The following LGR4 variants were observed in gnomAD, a reference collection of about 807,000 sequenced individuals.
The protein encoded by LGR4 is leucine rich repeat containing G protein-coupled receptor 4.
LGR4 carries 44 observed loss-of-function variants against 84.8 expected under a neutral mutation model. That is an observed-to-expected ratio of 0.52 (90% CI 0.41 to 0.67). The LOEUF (loss-of-function observed/expected upper bound fraction) is 0.67. Ranked by LOEUF, LGR4 falls within the 30% of genes least tolerant of loss-of-function variation. LGR4 has a pLI of 0.00. For missense variants in LGR4, 1,032 were observed against 1,131.4 expected (o/e 0.91, Z 1.26); for synonymous variants, 429 against 434.3 (o/e 0.99, Z 0.15).
At chr11:27,431,522 G>C (rs1437897415) in intron 1 of LGR4, among the ~76,000 whole-genome samples, 2 of 152,144 alleles carry the variant, frequency 1.3e-5, no homozygotes, top group African/African-American at 4.8e-5. Context: ...ACCAATATTT[G>C]TGCTACTAAA....
intron 13 of LGR4, among the ~76,000 whole-genome samples, chr11:27,375,704 C>A (rs1254954529): frequency 6.6e-6 from 1 of 152,136 alleles, no homozygotes; most frequent in African/African-American, 2.4e-5. Context: ...AATTGATAAA[C>A]CAGGAAGCAG....
chr11:27,371,876 T>C (rs1035714988), intron 16 of LGR4, among the ~76,000 whole-genome samples, 178 bp from the exon 17 acceptor site: 2 of 152,188 alleles, frequency 1.3e-5, no homozygotes, highest in African/African-American at 2.4e-5. Flanking sequence ...TGGTTTTTTT[T>C]AGAGACAAGG....
At chr11:27,468,769 G>A (rs184215751) in intron 1 of LGR4, among the ~76,000 whole-genome samples, 31 of 151,816 alleles carry the variant, frequency 2.0e-4, no homozygotes, top group African/African-American at 7.2e-4. Context: ...GTAAAGCTAT[G>A]ATCAAGGACT....
intron 1 of LGR4, among the ~76,000 whole-genome samples, chr11:27,445,210 G>T (rs140933781): frequency 1.3e-5 from 2 of 152,058 alleles, no homozygotes; most frequent in Non-Finnish European, 2.9e-5. Flanking sequence ...TTTGATTCGT[G>T]CATGTCTGTC....
In LGR4 at chr11:27,368,386, G is replaced by A. The variant is rs962289841; in HGVS notation, c.2337C>T (p.Pro779=). 16 of 1,613,968 alleles carry A rather than the reference G, an allele frequency of 9.9e-6. No homozygotes were observed. The East Asian group carries it at 1.1e-4, about 11-fold the overall frequency. Residue 779 remains proline, a synonymous_variant, in exon 18 of 18, where the codon CCC becomes CCT. Transcript: ENST00000379214. ...APLITAISIS[P]EIMKSVTLIF... The stretch of plus-strand genomic sequence containing the variant: ...TCAGAGTAACAGACTTCATTATTTC[G>A]GGGCTGATAGAGATTGCAGTGATCA...
intron 1 of LGR4, among the ~76,000 whole-genome samples, chr11:27,435,973 C>T (rs942993801): frequency 2.0e-5 from 3 of 150,912 alleles, no homozygotes; most frequent in African/African-American, 4.9e-5. Context: ...TGCAGTGGCG[C>T]GATCTGGGGC....
chr11:27,399,851 C>A (rs968075916), intron 2 of LGR4, among the ~76,000 whole-genome samples: 2 of 152,150 alleles, frequency 1.3e-5, no homozygotes, highest in Non-Finnish European at 2.9e-5. Context: ...ATACATACTT[C>A]TTAAAGTCCT....
rs145211651 is a variant in LGR4 at position 27,431,436 on chromosome 11, C to G, written c.186-18576G>C. ...ACAAAGAGCTAGTCTACCTTGTTCA[C>G]TATCAATTTTCTAACCCCTAGCCCA... On this transcript the variant is annotated intron_variant, in intron 1 of 17. Transcript: ENST00000379214. Among the ~76,000 whole-genome samples, 70 of 152,336 alleles carry G rather than the reference C, an allele frequency of 4.6e-4. 1 individual carries two copies. In the East Asian group the frequency reaches 0.011, roughly 24 times the overall value.
At chr11:27,391,071 C>A in intron 4 of LGR4, 23 bp downstream of exon 4, 1 of 1,466,316 alleles carries the variant, frequency 6.8e-7, no homozygotes, top group South Asian at 1.2e-5. Flanking sequence ...CTTGGTGAGT[C>A]AAGAAACCAA....
chr11:27,370,147 T>G (rs1371922649), intron 17 of LGR4, among the ~76,000 whole-genome samples: 1 of 152,218 alleles, frequency 6.6e-6, no homozygotes, highest in African/African-American at 2.4e-5. Context: ...CTAAAAAACA[T>G]GTTTTATGAA....
intron 15 of LGR4, 126 bp downstream of exon 15, chr11:27,373,425 C>A: frequency 1.2e-6 from 1 of 858,258 alleles, no homozygotes; most frequent in Non-Finnish European, 1.7e-6. Flanking sequence ...CAAAGACTGA[C>A]GTAGAAAACA....
intron 4 of LGR4, 49 bp from the exon 5 acceptor site, chr11:27,385,517 G>A (rs757455503): frequency 6.4e-6 from 8 of 1,254,374 alleles, no homozygotes; most frequent in Non-Finnish European, 7.9e-6. Context: ...CTAGTGAAAT[G>A]AGTCAGTTCA....
At chr11:27,434,031 A>C (rs1184579571) in intron 1 of LGR4, among the ~76,000 whole-genome samples, 1 of 152,192 alleles carries the variant, frequency 6.6e-6, no homozygotes, top group Admixed American at 6.5e-5. Flanking sequence ...CCCCTACCTC[A>C]GGGCTGGGAA....
rs1863276056 is a variant in LGR4, at chr11:27,391,075, A to C, written c.401+19T>G. On this transcript the variant is annotated intron_variant, in intron 4 of 17. Transcript: ENST00000379214. The stretch of plus-strand genomic sequence containing the variant: ...CAGAGTAGTCTCTTGGTGAGTCAAG[A>C]AACCAAGAAGTTACTTACAAAGACT... 2 of 1,514,530 alleles carry C rather than the reference A, an allele frequency of 1.3e-6. No individual in the cohort carries two copies. The highest frequency in any genetic ancestry group is 9.1e-7 in the Non-Finnish European group (1 of 1,098,756). The allele number at this position is 1,514,530 out of a possible 1,614,324, so 93.8% of individuals were successfully genotyped here. A position where few individuals can be genotyped will look rare whatever the true frequency, so the allele number is the denominator to read the frequency against.
chr11:27,375,227 G>A (rs925532777), intron 13 of LGR4, among the ~76,000 whole-genome samples: 3 of 151,130 alleles, frequency 2.0e-5, no homozygotes, highest in Admixed American at 6.6e-5. Context: ...CTCAGGCGTT[G>A]GAGGATGCAG....
chr11:27,390,775 G>A (rs1863270140), intron 4 of LGR4, among the ~76,000 whole-genome samples: 1 of 152,062 alleles, frequency 6.6e-6, no homozygotes, highest in Non-Finnish European at 1.5e-5. Context: ...TGACAGTCAA[G>A]GCACAAGACA....
chr11:27,417,785 C>T (rs754977339), intron 1 of LGR4, among the ~76,000 whole-genome samples: 1 of 152,000 alleles, frequency 6.6e-6, no homozygotes, highest in Middle Eastern at 3.2e-3. Context: ...AATCTGAAAT[C>T]GTATAGTTCT....
intron 1 of LGR4, among the ~76,000 whole-genome samples, chr11:27,429,052 C>T (rs1864072135): frequency 6.6e-6 from 1 of 151,756 alleles, no homozygotes; most frequent in African/African-American, 2.4e-5. Flanking sequence ...AGAAGAAATG[C>T]CAAAGAGGAG....
At chr11:27,385,191 G>C in intron 5 of LGR4, 62 bp downstream of exon 5, 2 of 1,196,194 alleles carry the variant, frequency 1.7e-6, no homozygotes, top group Non-Finnish European at 2.3e-6. Context: ...TCTGTCAGAA[G>C]AAATCTGTTT....
Sources: allele counts gnomAD v4.1 joint callset (sites outside exome capture counted in the v4.1 genomes callset), GRCh38; gene constraint gnomAD v4.1.1; transcripts MANE v1.5; gene names NCBI Gene and HGNC (gene_info 2026-07-23, HGNC 2026-07-21).